Variants in FHIP1A observed in about 807,000 individuals in gnomAD.
FHIP1A encodes the protein FHF complex subunit HOOK-interacting protein 1A.
Under a neutral mutation model 88.6 loss-of-function variants are expected in FHIP1A, and 61 were observed. The observed-to-expected ratio is 0.69, with a 90% CI of 0.56 to 0.85. The LOEUF (loss-of-function observed/expected upper bound fraction) is 0.85. FHIP1A is among the 40% of genes least tolerant of loss of function. The probability of loss-of-function intolerance (pLI) is 0.00; values close to 1 mark genes in which losing one functional copy is unlikely to be tolerated. For synonymous variants in FHIP1A, 478 were observed against 496.0 expected (o/e 0.96, Z 0.48); for missense variants, 1,154 against 1,273.5 (o/e 0.91, Z 1.43).
At chr4:151,525,831 A>G (rs1027771409) in intron 3 of FHIP1A, among the ~76,000 whole-genome samples, 1 of 150,698 alleles carries the variant, frequency 6.6e-6, no homozygotes, top group Non-Finnish European at 1.5e-5. Context: ...GTCACAGGAC[A>G]ATATTGGAGG....
chr4:151,578,125 T>A, intron 5 of FHIP1A, 49 bp downstream of exon 5: 1 of 1,490,906 alleles, frequency 6.7e-7, no homozygotes, highest in Non-Finnish European at 9.0e-7. Flanking sequence ...TTTTTTCTCT[T>A]CTGTTGCTAG....
chr4:151,475,867 T>G (rs971779673), intron 2 of FHIP1A, among the ~76,000 whole-genome samples: 47 of 62,880 alleles, frequency 7.5e-4, no homozygotes, highest in South Asian at 2.0e-3. Flanking sequence ...CTATTATCGA[T>G]TTTTTTTTTT....
chr4:151,655,014 C>G (rs1737178234), intron 11 of FHIP1A, among the ~76,000 whole-genome samples: 2 of 152,188 alleles, frequency 1.3e-5, no homozygotes, highest in Admixed American at 1.3e-4. Context: ...TTGGTGTTCC[C>G]ATTCCACACA....
intron 7 of FHIP1A, among the ~76,000 whole-genome samples, chr4:151,613,839 T>A (rs542517120): frequency 6.6e-6 from 1 of 152,144 alleles, no homozygotes; most frequent in Non-Finnish European, 1.5e-5. Context: ...GGAACTTGGG[T>A]TGAGAACCAC....
chr4:151,441,232 T>C (rs1482510040), intron 1 of FHIP1A, among the ~76,000 whole-genome samples: 1 of 152,012 alleles, frequency 6.6e-6, no homozygotes, highest in Non-Finnish European at 1.5e-5. Flanking sequence ...CACAAAACCA[T>C]GGTACAAAAT....
chr4:151,545,964 G>A (rs1006366413), intron 3 of FHIP1A, among the ~76,000 whole-genome samples: 2 of 152,110 alleles, frequency 1.3e-5, no homozygotes, highest in Non-Finnish European at 2.9e-5. Context: ...AACTTGACTG[G>A]ATTAAGAGAT....
rs1737721775 is a variant in FHIP1A, at chr4:151,667,885, A to G, written c.*5131A>G. On this transcript the variant is annotated 3_prime_UTR_variant, in exon 14 of 14. Transcript: ENST00000435205. The stretch of plus-strand genomic sequence containing the variant: ...ATTTACTGTGTCATTTCAGAACCCA[A>G]CAAAGGTGATGGAAGCTCTTAGGCC... Among the ~76,000 whole-genome samples the G allele has an allele frequency of 6.6e-6, 1 of 152,202 alleles. No homozygotes were observed. The highest frequency in any genetic ancestry group is 1.5e-5 in the Non-Finnish European group (1 of 68,042).
At chr4:151,628,676 T>C (rs1484037587) in intron 7 of FHIP1A, among the ~76,000 whole-genome samples, 1 of 152,186 alleles carries the variant, frequency 6.6e-6, no homozygotes, top group Non-Finnish European at 1.5e-5. Flanking sequence ...CGAGTGCATT[T>C]GACTCATGGT....
intron 3 of FHIP1A, among the ~76,000 whole-genome samples, chr4:151,511,452 G>T (rs564112224): frequency 1.3e-5 from 2 of 152,214 alleles, no homozygotes; most frequent in South Asian, 2.1e-4. Context: ...TGGGTGCAGC[G>T]CACCGTGCGC....
intron 4 of FHIP1A, among the ~76,000 whole-genome samples, chr4:151,571,353 G>A (rs1298058211): frequency 1.3e-5 from 2 of 152,158 alleles, no homozygotes; most frequent in Admixed American, 1.3e-4. Context: ...TTTAGGCTAA[G>A]AAAATATCAG....
intron 7 of FHIP1A, among the ~76,000 whole-genome samples, chr4:151,594,431 A>T (rs535116568): frequency 4.6e-5 from 7 of 152,178 alleles, no homozygotes. Flanking sequence ...CAGGGATTTG[A>T]CTACTTCCTG....
At chr4:151,535,201 G>A (rs1732022861) in intron 3 of FHIP1A, among the ~76,000 whole-genome samples, 1 of 152,146 alleles carries the variant, frequency 6.6e-6, no homozygotes, top group Non-Finnish European at 1.5e-5. Flanking sequence ...GGGCAACAGA[G>A]CAAGACCCTG....
At chr4:151,661,970 T>C (rs1449171671) in intron 13 of FHIP1A, among the ~76,000 whole-genome samples, 3 of 152,226 alleles carry the variant, frequency 2.0e-5, no homozygotes, top group Non-Finnish European at 4.4e-5. Context: ...GCCAGAAGAC[T>C]GGAGGTCACC....
chr4:151,475,913 G>A (rs1430676378), intron 2 of FHIP1A, among the ~76,000 whole-genome samples: 1 of 149,664 alleles, frequency 6.7e-6, no homozygotes, highest in East Asian at 2.0e-4. Flanking sequence ...CCAGGCTGGA[G>A]TGCAATGGCA....
At chr4:151,525,280 C>A (rs543874147) in intron 3 of FHIP1A, among the ~76,000 whole-genome samples, 60 of 152,342 alleles carry the variant, frequency 3.9e-4, no homozygotes, top group African/African-American at 1.4e-3. Context: ...GGCTTTCACT[C>A]CACATGGCTA....
At chr4:151,561,811 G>A (rs1056090976) in intron 3 of FHIP1A, among the ~76,000 whole-genome samples, 3 of 152,020 alleles carry the variant, frequency 2.0e-5, no homozygotes, top group African/African-American at 4.8e-5. Flanking sequence ...TGTGCTGTAC[G>A]TTCCTTAAGT....
At chr4:151,422,579 C>T (rs142989469) in intron 1 of FHIP1A, among the ~76,000 whole-genome samples, 220 of 152,154 alleles carry the variant, frequency 1.4e-3, no homozygotes, top group Non-Finnish European at 2.5e-3. Flanking sequence ...TTAGTAGAGA[C>T]GGGGTTTTGC....
chr4:151,563,542 C>T (rs189920839), intron 3 of FHIP1A, among the ~76,000 whole-genome samples: 3 of 152,274 alleles, frequency 2.0e-5, no homozygotes, highest in Admixed American at 6.5e-5. Context: ...AAAGGAGAAA[C>T]GTCTGATGAT....
intron 2 of FHIP1A, among the ~76,000 whole-genome samples, chr4:151,463,978 A>C (rs1019221011): frequency 1.3e-5 from 2 of 152,172 alleles, no homozygotes; most frequent in Non-Finnish European, 1.5e-5. Flanking sequence ...TCTGACTCCT[A>C]ACCTCTCATT....
Sources: gnomAD v4.1 joint callset for allele counts (sites outside exome capture counted in the v4.1 genomes callset) on GRCh38, gnomAD v4.1.1 for gene constraint, MANE v1.5 for transcripts, NCBI Gene and HGNC (gene_info 2026-07-23, HGNC 2026-07-21) for gene names.